Variants in NXPE2 observed in about 807,000 individuals in gnomAD.
NXPE2 encodes the protein neurexophilin and PC-esterase domain family member 2, also known as NXPE family member 2.
NXPE2 carries 34 observed loss-of-function variants against 34.4 expected under a neutral mutation model. That is an observed-to-expected ratio of 0.99 (90% CI 0.75 to 1.31). The LOEUF is 1.31. Ranked by LOEUF, NXPE2 falls within the 40% of genes most tolerant of loss-of-function variation. The pLI, the probability that NXPE2 is intolerant of heterozygous loss-of-function variation, is 0.00. For synonymous variants in NXPE2, 235 were observed against 231.3 expected, an observed-to-expected ratio of 1.02 and a Z score of -0.15; for missense variants, 649 against 672.5, an observed-to-expected ratio of 0.97 and a Z score of 0.39.
the NXPE2 span, among the ~76,000 whole-genome samples, chr11:114,545,284 A>G: frequency 4.6e-5 from 7 of 152,232 alleles, no homozygotes; most frequent in African/African-American, 1.2e-4. Context: ...AGCAGCTTTG[A>G]TCATAGTTGC....
At chr11:114,509,470 G>A in the NXPE2 span, among the ~76,000 whole-genome samples, 1 of 152,126 alleles carries the variant, frequency 6.6e-6, no homozygotes, top group Non-Finnish European at 1.5e-5. Context: ...ACACATGCAT[G>A]CATATGCTCG....
chr11:114,495,978 G>C, the NXPE2 span, among the ~76,000 whole-genome samples: 6 of 152,212 alleles, frequency 3.9e-5, no homozygotes, highest in Admixed American at 3.3e-4. Flanking sequence ...CTTGGGGTTG[G>C]GAGACAGATG....
chr11:114,611,926 C>T, the NXPE2 span, among the ~76,000 whole-genome samples: 1 of 151,856 alleles, frequency 6.6e-6, no homozygotes, highest in African/African-American at 2.4e-5. Context: ...TAAATTTTGC[C>T]CGGTGGGTAA....
chr11:114,759,542 G>C, the NXPE2 span, among the ~76,000 whole-genome samples: 1 of 152,144 alleles, frequency 6.6e-6, no homozygotes, highest in East Asian at 1.9e-4. Context: ...TATTGCGTCA[G>C]TTTCTGCTGG....
At chr11:114,803,100 C>T in the NXPE2 span, among the ~76,000 whole-genome samples, 2 of 152,214 alleles carry the variant, frequency 1.3e-5, no homozygotes, top group Non-Finnish European at 2.9e-5. Flanking sequence ...GCAACAGGCT[C>T]AGCCAAGGCC....
the NXPE2 span, among the ~76,000 whole-genome samples, chr11:114,771,753 C>T: frequency 6.6e-6 from 1 of 152,254 alleles, no homozygotes; most frequent in East Asian, 1.9e-4. Flanking sequence ...TGTTAGCGCT[C>T]TGCTTCTCTT....
the NXPE2 span, among the ~76,000 whole-genome samples, chr11:114,507,467 G>A: frequency 6.6e-6 from 1 of 152,066 alleles, no homozygotes; most frequent in South Asian, 2.1e-4. Context: ...TGATATTCTT[G>A]ATGAACATCG....
At chr11:114,710,937 C>T (rs975790247), downstream of NXPE2, among the ~76,000 whole-genome samples, 2 of 152,102 alleles carry the variant, frequency 1.3e-5, no homozygotes, top group Non-Finnish European at 2.9e-5. Context: ...GATGGCTCAA[C>T]ATATGAAAAT....
the NXPE2 span, among the ~76,000 whole-genome samples, chr11:114,538,058 A>T: frequency 6.6e-6 from 1 of 152,226 alleles, no homozygotes; most frequent in Non-Finnish European, 1.5e-5. Context: ...CCAAAACAGC[A>T]TGGTACTGGT....
chr11:114,700,519 C>T (rs965228244), intron 3 of NXPE2, among the ~76,000 whole-genome samples: 15 of 151,792 alleles, frequency 9.9e-5, no homozygotes, highest in Non-Finnish European at 1.5e-4. Context: ...AAGGCTGGAA[C>T]GCGGGAAGTG....
chr11:114,538,858 T>C, the NXPE2 span, among the ~76,000 whole-genome samples: 45 of 152,240 alleles, frequency 3.0e-4, no homozygotes, highest in Middle Eastern at 3.4e-3. Context: ...AGTTCAACCA[T>C]TGTGGAAGTC....
chr11:114,509,532 CA>C, the NXPE2 span, among the ~76,000 whole-genome samples: 33 of 152,186 alleles, frequency 2.2e-4, no homozygotes, highest in Non-Finnish European at 4.0e-4. Context: ...AAATGCCCAT[CA>C]GTGATAGACT....
the NXPE2 span, among the ~76,000 whole-genome samples, chr11:114,739,400 C>A: frequency 7.3e-6 from 1 of 137,550 alleles, no homozygotes; most frequent in Non-Finnish European, 1.6e-5. Context: ...TCCTCCCTCC[C>A]TCCCTCGCTC....
the NXPE2 span, among the ~76,000 whole-genome samples, chr11:114,769,059 A>G: frequency 1.3e-5 from 2 of 152,158 alleles, no homozygotes; most frequent in Non-Finnish European, 2.9e-5. Context: ...CAATCTATCC[A>G]TCTGACAAAA....
chr11:114,484,236 C>A, the NXPE2 span, among the ~76,000 whole-genome samples: 1 of 152,150 alleles, frequency 6.6e-6, no homozygotes, highest in African/African-American at 2.4e-5. Flanking sequence ...ATATATCCTG[C>A]AAGTTATTCA....
the NXPE2 span, among the ~76,000 whole-genome samples, chr11:114,498,771 A>G: frequency 3.3e-5 from 5 of 152,144 alleles, no homozygotes; most frequent in Middle Eastern, 6.8e-3. Context: ...TGACTAATTA[A>G]TTGACTGGTG....
At chr11:114,531,657 T>G in the NXPE2 span, among the ~76,000 whole-genome samples, 1 of 152,204 alleles carries the variant, frequency 6.6e-6, no homozygotes, top group African/African-American at 2.4e-5. Context: ...TTGCTTTTGA[T>G]GTCTTGACAA....
chr11:114,582,332 C>T, the NXPE2 span: 1 of 1,598,572 alleles, frequency 6.3e-7, no homozygotes, highest in Admixed American at 1.7e-5. Flanking sequence ...AAGAAACTTT[C>T]TTGTTCTTAG....
At chr11:114,760,194 G>C in the NXPE2 span, among the ~76,000 whole-genome samples, 2 of 152,074 alleles carry the variant, frequency 1.3e-5, no homozygotes, top group Non-Finnish European at 2.9e-5. Flanking sequence ...TGGTCATGAG[G>C]GCAGAGCCCT....
Sources: allele counts gnomAD v4.1 joint callset (sites outside exome capture counted in the v4.1 genomes callset), GRCh38; gene constraint gnomAD v4.1.1; transcripts MANE v1.5; gene names NCBI Gene and HGNC (gene_info 2026-07-23, HGNC 2026-07-21).